CBR4: variants seen among roughly 807,000 people sequenced by gnomAD.
CBR4 encodes the protein 3-oxoacyl-[acyl-carrier-protein] reductase.
CBR4 carries 22 observed loss-of-function variants against 21.0 expected under a neutral mutation model. The ratio of observed to expected loss-of-function variants is 1.05; its 90% CI spans 0.75 to 1.50. The LOEUF is 1.50. CBR4 is among the 40% of genes most tolerant of loss of function. The probability of loss-of-function intolerance (pLI) is 0.00; values close to 1 mark genes in which losing one functional copy is unlikely to be tolerated. For missense variants in CBR4, 302 were observed against 286.3 expected (o/e 1.05, Z -0.40); for synonymous variants, 100 against 104.4 (o/e 0.96, Z 0.26).
At chr4:168,954,517 C>T (rs957803863) in intron 2 of CBR4, among the ~76,000 whole-genome samples, 1 of 152,112 alleles carries the variant, frequency 6.6e-6, no homozygotes, top group Non-Finnish European at 1.5e-5. Context: ...TTAAAAGTAC[C>T]ACCTCTAATA....
At position 168,987,877 on chromosome 4, in the gene CBR4, T is replaced by C. The variant is rs769855038; in HGVS notation, c.*2273A>G. The stretch of plus-strand genomic sequence containing the variant: ...TTACAAACCATAAATTGAATATGAA[T>C]AAAATATGAAAAAGAGCACAAATTT... On this transcript the variant is annotated 3_prime_UTR_variant, in exon 5 of 5. Transcript: ENST00000306193. 1.0e-4 allele frequency: 100 copies of C among 979,210 alleles called. No homozygotes were observed. Among genetic ancestry groups the C allele is most frequent in the Non-Finnish European group, 1.2e-4 (100 of 824,584 alleles). The allele number at this position is 979,210 out of a possible 1,614,324, so 60.7% of individuals were successfully genotyped here.
In CBR4 at chr4:168,931,617, C is replaced by T. The variant is rs138582771; in HGVS notation, n.170-36852G>A. Among the ~76,000 whole-genome samples the T allele has an allele frequency of 4.4e-3, 675 of 151,956 alleles. 7 individuals are homozygous for T. Among genetic ancestry groups the T allele is most frequent in the African/African-American group, 0.015 (642 of 41,446 alleles). ...CCACTTGGCCCACCTCTGGCAGACA[C>T]ACCCCCAGGCCAAATGAGCATGCCT... is the stretch of plus-strand genomic sequence containing the variant. On this transcript the variant is annotated intron_variant and non_coding_transcript_variant, in intron 2 of 3. Transcript: ENST00000509108.
intron 2 of CBR4, among the ~76,000 whole-genome samples, chr4:168,937,780 G>A (rs1372367929): frequency 3.3e-5 from 5 of 152,128 alleles, no homozygotes; most frequent in African/African-American, 1.2e-4. Context: ...AAATATATAT[G>A]CACCCAATAC....
In CBR4 at chr4:169,007,705, T is replaced by C. The variant is rs1418327729; in HGVS notation, c.194A>G (p.Asn65Ser). ...CDVAKEHDVQ[N>S]TFEELEKHLG... ...ATGTTTCTCCAGCTCTTCAAATGTA[T>C]TTTGAACATCATGTTCTTTAGCAAC... The change falls in exon 2 of 5, where the codon AAT becomes AGT. Residue 65 changes from asparagine to serine, a missense_variant. By Grantham distance (46) the Asn-to-Ser change is conservative. Transcript: ENST00000306193. 1 of 1,591,646 alleles carries C rather than the reference T, an allele frequency of 6.3e-7. No individual in the cohort carries two copies.
intron 2 of CBR4, chr4:168,921,785 C>T (rs1761556879): frequency 1.4e-6 from 2 of 1,419,294 alleles, no homozygotes; most frequent in South Asian, 1.2e-5. Flanking sequence ...GAATGAACAT[C>T]AGACTTACAA....
At chr4:168,970,265 TTTTATG>T (rs1173556567) in intron 2 of CBR4, among the ~76,000 whole-genome samples, 3 of 152,148 alleles carry the variant, frequency 2.0e-5, no homozygotes, top group Non-Finnish European at 2.9e-5. Flanking sequence ...AACTTTTCTT[TTTTATG>T]TTTAAGAATT....
chr4:168,913,969 A>G lies in CBR4; in HGVS notation n.170-19204T>C. ...TGGACGGCTAATGGTACAGGCTGTC[A>G]ACCAAAGAGGTCGAAGTCCCCGGTC... On this transcript the variant is annotated intron_variant and non_coding_transcript_variant, in intron 2 of 3. Transcript: ENST00000509108. The G allele has an allele frequency of 1.2e-6, 2 of 1,613,588 alleles. No individual in the cohort carries two copies. The highest frequency in any genetic ancestry group is 1.7e-6 in the Non-Finnish European group (2 of 1,179,498).
intron 2 of CBR4, among the ~76,000 whole-genome samples, chr4:168,919,754 C>T (rs540458441): frequency 1.3e-5 from 2 of 152,238 alleles, no homozygotes; most frequent in South Asian, 4.2e-4. Flanking sequence ...ATAACTAATT[C>T]CACTCCCATA....
chr4:169,002,472 C>A (rs1011425360), intron 3 of CBR4, among the ~76,000 whole-genome samples: 2 of 152,238 alleles, frequency 1.3e-5, no homozygotes, highest in East Asian at 3.9e-4. Context: ...TGATTCACTA[C>A]GTGAAGGGGA....
intron 4 of CBR4, 50 bp downstream of exon 4, chr4:169,002,021 C>G (rs1168024869): frequency 1.4e-6 from 2 of 1,424,612 alleles, no homozygotes; most frequent in Non-Finnish European, 1.9e-6. Context: ...AATGGCTTCC[C>G]TATAAAACAA....
chr4:169,008,395 ACACTT>A (rs1239986381), intron 1 of CBR4, among the ~76,000 whole-genome samples: 1 of 152,214 alleles, frequency 6.6e-6, no homozygotes, highest in East Asian at 1.9e-4. Context: ...AAAAAAAACT[ACACTT>A]CAAAGGAAAA....
chr4:168,986,279 T>A (rs1764689722), downstream of CBR4, among the ~76,000 whole-genome samples: 1 of 152,218 alleles, frequency 6.6e-6, no homozygotes, highest in South Asian at 2.1e-4. Context: ...CCACAGATTT[T>A]GGTATTCTCA....
rs1175512852 is a variant in CBR4 at position 168,928,760 on chromosome 4, C to CT, written n.170-33996dup. Reference sequence around the variant, plus strand: ...CAGCTCCTGAAGGCCGCCTGTATTCCTTGCCATGTAGCCCGCTCCATCTTC... The same window carrying CT: ...CAGCTCCTGAAGGCCGCCTGTATTCCTTTGCCATGTAGCCCGCTCCATCTTC... On this transcript the variant is annotated intron_variant and non_coding_transcript_variant, in intron 2 of 3. Coordinates refer to the CBR4 transcript ENST00000509108. 5.3e-5 allele frequency among the ~76,000 whole-genome samples: 8 copies of CT among 152,280 alleles called. No individual in the cohort carries two copies. In the South Asian group the frequency reaches 8.3e-4, roughly 16 times the overall value.
chr4:168,966,566 G>A (rs1764042268), intron 2 of CBR4, among the ~76,000 whole-genome samples: 1 of 151,908 alleles, frequency 6.6e-6, no homozygotes, highest in African/African-American at 2.4e-5. Flanking sequence ...AACAGATGCT[G>A]GAGAGGATGT....
At chr4:168,922,159 AAC>A (rs1491478556) in intron 2 of CBR4, among the ~76,000 whole-genome samples, 1 of 150,998 alleles carries the variant, frequency 6.6e-6, no homozygotes, top group Non-Finnish European at 1.5e-5. Context: ...TTTTTAAAAC[AAC>A]ACTGTCATCT....
chr4:168,966,050 G>T (rs993930225), intron 2 of CBR4, among the ~76,000 whole-genome samples: 1 of 151,760 alleles, frequency 6.6e-6, no homozygotes, highest in African/African-American at 2.4e-5. Flanking sequence ...AAATTTAGAA[G>T]AAAAAAACAA....
Position 168,989,889 on chromosome 4 carries a change from T to C in CBR4, c.*261A>G. The C allele has an allele frequency of 9.1e-7, 1 of 1,101,394 alleles. No homozygotes were observed. The highest frequency in any genetic ancestry group is 1.1e-6 in the Non-Finnish European group (1 of 901,270). 68.2% of individuals were successfully genotyped at this position (1,101,394 alleles called of 1,614,324 possible). On this transcript the variant is annotated 3_prime_UTR_variant, in exon 5 of 5. Coordinates refer to ENST00000306193, the MANE Select transcript of CBR4 (RefSeq NM_032783.5). Reference sequence around the variant, plus strand: ...ACCACTGAATTGTGTATTTTAAATGTGTGATTATATGGTATGTGAATTGTA... The same window carrying C: ...ACCACTGAATTGTGTATTTTAAATGCGTGATTATATGGTATGTGAATTGTA...
At chr4:168,924,931 A>T (rs1447999815) in intron 2 of CBR4, 3 of 1,614,052 alleles carry the variant, frequency 1.9e-6, no homozygotes, top group African/African-American at 2.7e-5. Flanking sequence ...TAATGACTTT[A>T]TCCTTTTCTC....
chr4:168,959,814 C>T (rs1346285762), intron 2 of CBR4, among the ~76,000 whole-genome samples: 2 of 150,664 alleles, frequency 1.3e-5, no homozygotes, highest in Non-Finnish European at 3.0e-5. Context: ...CCACCTGCCT[C>T]GGCCTCCCAA....
Sources: allele counts gnomAD v4.1 joint callset (sites outside exome capture counted in the v4.1 genomes callset), GRCh38; gene constraint gnomAD v4.1.1; transcripts MANE v1.5; gene names NCBI Gene and HGNC (gene_info 2026-07-23, HGNC 2026-07-21).